WDR45B: variants seen among roughly 807,000 people sequenced by gnomAD.
WDR45B encodes WD repeat domain 45B.
A neutral mutation model predicts 44.6 loss-of-function variants in WDR45B; 20 were observed. That is an observed-to-expected ratio of 0.45 (90% CI 0.32 to 0.65). The LOEUF (loss-of-function observed/expected upper bound fraction) is 0.65, where lower values mean the gene tolerates loss of function less well. Ranked by LOEUF, WDR45B falls within the 30% of genes least tolerant of loss-of-function variation. WDR45B has a pLI of 0.05. For synonymous variants in WDR45B, 169 were observed against 164.9 expected (o/e 1.02, Z -0.19); for missense variants, 323 against 430.2 (o/e 0.75, Z 2.20).
intron 2 of WDR45B, chr17:82,636,579 A>G (rs761188218): frequency 2.0e-5 from 3 of 152,064 alleles, no homozygotes; most frequent in Non-Finnish European, 4.4e-5. Context: ...AGAGCTTTCT[A>G]TGTTCCAGAT....
rs774772871 is a variant in WDR45B at position 82,621,772 on chromosome 17, T to G, written c.455A>C (p.Asn152Thr). 2 of 1,614,152 alleles carry G rather than the reference T, an allele frequency of 1.2e-6. No homozygotes were observed. Among genetic ancestry groups the G allele is most frequent in the Non-Finnish European group, 8.5e-7 (1 of 1,180,048 alleles). ...KGLCVLCPNS[N>T]NSLLAFPGTH... is the part of the protein sequence containing the mutation. ...GCCCGGAAAGGCCAGGAGGGAGTTG[T>G]TACTATTGGGACAAAGGACACAGAG... The change falls in exon 6 of 10, where the codon AAC (asparagine) becomes ACC (threonine). Residue 152 changes from asparagine to threonine, a missense_variant. Physicochemically the swap from Asn to Thr is moderately conservative, Grantham distance 65. Coordinates refer to ENST00000392325, the MANE Select transcript of WDR45B (RefSeq NM_019613.4).
intron 6 of WDR45B, among the ~76,000 whole-genome samples, chr17:82,620,654 C>G (rs930097921): frequency 6.6e-6 from 1 of 152,124 alleles, no homozygotes; most frequent in African/African-American, 2.4e-5. Context: ...GGTCTCACCT[C>G]CTTAACAATT....
intron 2 of WDR45B, among the ~76,000 whole-genome samples, chr17:82,631,881 G>C (rs911654021): frequency 6.6e-6 from 1 of 151,906 alleles, no homozygotes; most frequent in Non-Finnish European, 1.5e-5. Flanking sequence ...TCAAGAGACT[G>C]AGACCATCTG....
In WDR45B at chr17:82,615,655, A is replaced by G. The variant is rs1233490516; in HGVS notation, c.*264T>C. On this transcript the variant is annotated 3_prime_UTR_variant, in exon 10 of 10. Coordinates refer to ENST00000392325, the MANE Select transcript of WDR45B (RefSeq NM_019613.4). ...CGGCGGAGCCACTGAAGCTAACGTC[A>G]CAGCTGAACTCATGGGAACAGCCAG... 5.8e-6 allele frequency: 3 copies of G among 515,842 alleles called. No homozygotes were observed. The highest frequency in any genetic ancestry group is 1.1e-5 in the Non-Finnish European group (3 of 283,368). The allele number at this position is 515,842 out of a possible 1,614,324, so 32.0% of individuals were successfully genotyped here. A position where few individuals can be genotyped will look rare whatever the true frequency, so the allele number is the denominator to read the frequency against.
At chr17:82,623,749 C>A (rs2045652554) in intron 5 of WDR45B, among the ~76,000 whole-genome samples, 1 of 151,096 alleles carries the variant, frequency 6.6e-6, no homozygotes, top group African/African-American at 2.4e-5. Context: ...AGATAAACAA[C>A]CGGCTAAAAA....
In WDR45B at chr17:82,616,637, G is replaced by A. The variant is rs771755275; in HGVS notation, c.815C>T (p.Ser272Leu). Residue 272 changes from serine to leucine, a missense_variant, in exon 9 of 10, where the codon TCA (serine) becomes TTA (leucine). Ser to Leu is a moderately radical substitution (Grantham distance 145, BLOSUM62 -2). Transcript: ENST00000392325. ...PKRNKQSSLASASFLPKYFSS... is the reference protein window; with the variant it reads ...PKRNKQSSLALASFLPKYFSS... ...GAAGTATTTTGGAAGGAAACTGGCT[G>A]AGGCCAAACTGTGAAGACAAGAAAA... 6.2e-7 allele frequency: 1 copy of A among 1,614,218 alleles called. No individual in the cohort carries two copies. Among genetic ancestry groups the A allele is most frequent in the Non-Finnish European group, 8.5e-7 (1 of 1,180,032 alleles).
At chr17:82,625,886 T>C (rs2045690577) in intron 4 of WDR45B, 2 of 256,540 alleles carry the variant, frequency 7.8e-6, no homozygotes, top group African/African-American at 2.3e-5. Context: ...ATTATTATTA[T>C]TATTACTTTT....
At chr17:82,636,111 A>C (rs1033251685) in intron 2 of WDR45B, among the ~76,000 whole-genome samples, 1 of 151,670 alleles carries the variant, frequency 6.6e-6, no homozygotes, top group African/African-American at 2.4e-5. Flanking sequence ...TAAATAAAAA[A>C]TAAAAATACA....
intron 2 of WDR45B, among the ~76,000 whole-genome samples, chr17:82,639,940 T>G (rs866327442): frequency 7.7e-6 from 1 of 129,968 alleles, no homozygotes; most frequent in South Asian, 2.6e-4. Context: ...GCTGTGTGTG[T>G]GTCGGGTCAG....
rs962959573 is a variant in WDR45B at position 82,621,495 on chromosome 17, G to A, written c.618+114C>T. ...AGCCAGGTCCACAGGCCCCTGAGGG[G>A]CTCCAGGTTGGGGCAGGCCCACTGC... On this transcript the variant is annotated intron_variant, in intron 6 of 9. Transcript: ENST00000392325. 4 of 1,385,724 alleles carry A rather than the reference G, an allele frequency of 2.9e-6. No homozygotes were observed. In the African/African-American group the frequency reaches 5.7e-5, roughly 20 times the overall value. 85.8% of individuals were successfully genotyped at this position (1,385,724 alleles called of 1,614,324 possible).
At chr17:82,628,288 C>G (rs1158576855) in intron 3 of WDR45B, among the ~76,000 whole-genome samples, 1 of 152,224 alleles carries the variant, frequency 6.6e-6, no homozygotes, top group Non-Finnish European at 1.5e-5. Context: ...CCACTGCACC[C>G]AGCCCCTGCT....
In WDR45B at chr17:82,621,687, G is replaced by A. The variant is rs2045619910; in HGVS notation, c.540C>T (p.Asp180=). The change falls in exon 6 of 10, where the codon GAC becomes GAT. Residue 180 remains aspartate (D), a synonymous_variant. Coordinates refer to ENST00000392325, the MANE Select transcript of WDR45B (RefSeq NM_019613.4). ...DLASTEKPPV[D]IPAHEGVLSC... is the part of the protein sequence containing the mutation. ...TCAGGACACCCTCGTGTGCAGGAAT[G>A]TCCACGGGTGGCTTCTCCGTGCTGG... 3 of 1,614,096 alleles carry A rather than the reference G, an allele frequency of 1.9e-6. No individual in the cohort carries two copies. In the Admixed American group the frequency reaches 5.0e-5, roughly 27 times the overall value.
intron 1 of WDR45B, chr17:82,644,604 G>A (rs2045953876): frequency 5.8e-6 from 1 of 173,630 alleles, no homozygotes. Context: ...ACAGCAGGCT[G>A]TTAATGGTCC....
chr17:82,619,298 C>A (rs997768921), intron 6 of WDR45B, among the ~76,000 whole-genome samples, 170 bp from the exon 7 acceptor site: 2 of 152,156 alleles, frequency 1.3e-5, no homozygotes, highest in Non-Finnish European at 2.9e-5. Flanking sequence ...AGTTGTGCCC[C>A]TGAGAACGAG....
chr17:82,639,288 A>G (rs2045878695), intron 2 of WDR45B, among the ~76,000 whole-genome samples: 2 of 152,108 alleles, frequency 1.3e-5, no homozygotes, highest in South Asian at 2.1e-4. Flanking sequence ...GATGTGCCAC[A>G]ACCACAGTAA....
At chr17:82,625,525 C>A in intron 4 of WDR45B, 42 bp from the exon 5 acceptor site, 1 of 1,556,252 alleles carries the variant, frequency 6.4e-7, no homozygotes, top group South Asian at 1.1e-5. Context: ...CCTCAAGAGT[C>A]AAACCCAAAC....
chr17:82,621,913 T>A, intron 5 of WDR45B, 114 bp from the exon 6 acceptor site: 1 of 1,156,396 alleles, frequency 8.6e-7, no homozygotes, highest in Non-Finnish European at 1.3e-6. Flanking sequence ...TTTATAAATA[T>A]CAGAACCACA....
At position 82,643,937 on chromosome 17, in the gene WDR45B, GTTAA is replaced by G; in HGVS notation, c.142+8_142+11del. The G allele has an allele frequency of 6.2e-7, 1 of 1,612,940 alleles. No homozygotes were observed. Among genetic ancestry groups the G allele is most frequent in the African/African-American group, 1.3e-5 (1 of 75,006 alleles). On this transcript the variant is annotated splice_region_variant and intron_variant, in intron 2 of 9. Coordinates refer to ENST00000392325, the MANE Select transcript of WDR45B (RefSeq NM_019613.4). ...AAGGGGAGAAACCAGAAAATGTCCC[GTTAA>G]TTCTTACCTTGTTTCTCTTTTTCTT...
At chr17:82,646,488 C>CAAAAAAAAAAAAAAAAAAAAAA (rs779661551) in intron 1 of WDR45B, among the ~76,000 whole-genome samples, 5 of 19,940 alleles carry the variant, frequency 2.5e-4, no homozygotes, top group Admixed American at 7.0e-4. Context: ...AACTCCGTCT[C>CAAAAAAAAAAAAAAAAAAAAAA]AAAAAAAAAA....
Sources: allele counts gnomAD v4.1 joint callset (sites outside exome capture counted in the v4.1 genomes callset), GRCh38; gene constraint gnomAD v4.1.1; transcripts MANE v1.5; gene names NCBI Gene and HGNC (gene_info 2026-07-23, HGNC 2026-07-21).